The following C10orf67 variants were observed in gnomAD, a reference collection of about 807,000 sequenced individuals.
C10orf67 encodes the protein uncharacterized protein C10orf67, mitochondrial.
C10orf67 carries 60 observed loss-of-function variants against 35.6 expected under a neutral mutation model. That is an observed-to-expected ratio of 1.68 (90% CI 1.37 to 2.09). C10orf67 has a LOEUF of 2.09. Ranked by LOEUF, C10orf67 falls within the 30% of genes most tolerant of loss-of-function variation. C10orf67 has a pLI of 0.00. For synonymous variants in C10orf67, 167 were observed against 115.8 expected (o/e 1.44, Z -2.84); for missense variants, 474 against 330.2 (o/e 1.44, Z -3.38).
At chr10:23,283,383 T>A (rs1439326689) in intron 7 of C10orf67, among the ~76,000 whole-genome samples, 1 of 152,234 alleles carries the variant, frequency 6.6e-6, no homozygotes, top group African/African-American at 2.4e-5. Context: ...TGTATGAATT[T>A]AATAAACATC....
intron 8 of C10orf67, among the ~76,000 whole-genome samples, chr10:23,280,203 C>G (rs534757909): frequency 3.3e-5 from 5 of 152,262 alleles, no homozygotes; most frequent in African/African-American, 1.2e-4. Context: ...AGTTCTTTGA[C>G]TTTTTGCACT....
chr10:23,241,963 A>AT (rs142155844), intron 12 of C10orf67, among the ~76,000 whole-genome samples: 69,186 of 148,640 alleles, frequency 0.47, 16,195 homozygotes, highest in African/African-American at 0.53. Flanking sequence ...AAGAACTGAC[A>AT]TTTTTTTTTT....
chr10:23,247,117 T>C (rs981371502), intron 12 of C10orf67, among the ~76,000 whole-genome samples: 3 of 152,178 alleles, frequency 2.0e-5, no homozygotes, highest in East Asian at 1.9e-4. Context: ...TAATTTGTTA[T>C]TGAAAAAAAT....
At chr10:23,218,107 G>T (rs1841478426) in intron 15 of C10orf67, among the ~76,000 whole-genome samples, 2 of 152,016 alleles carry the variant, frequency 1.3e-5, no homozygotes, top group Admixed American at 1.3e-4. Context: ...CACTGTATTT[G>T]GAAGGAAAAA....
chr10:23,319,793 G>A (rs1588690884), intron 4 of C10orf67, among the ~76,000 whole-genome samples: 1 of 152,240 alleles, frequency 6.6e-6, no homozygotes, highest in East Asian at 1.9e-4. Context: ...TCACCTTCAG[G>A]TCTCATTGGT....
rs1237340233 is a variant in C10orf67, at chr10:23,221,481, CG to C, written c.1570+2116del. On this transcript the variant is annotated intron_variant, in intron 15 of 15. Transcript: ENST00000636213. ...CATTAATAATGTATTAAACTATTTCCGGGGGGTCTGAAGAGGGTACTCAACC... is the reference window on the plus strand; with the variant it reads ...CATTAATAATGTATTAAACTATTTCCGGGGGTCTGAAGAGGGTACTCAACC... Among the ~76,000 whole-genome samples, 3 of 152,104 alleles carry C rather than the reference CG, an allele frequency of 2.0e-5. No homozygotes were observed. The South Asian group carries it at 6.2e-4, about 32-fold the overall frequency.
At chr10:23,322,738 T>G (rs1845009368) in intron 2 of C10orf67, among the ~76,000 whole-genome samples, 1 of 152,022 alleles carries the variant, frequency 6.6e-6, no homozygotes, top group Non-Finnish European at 1.5e-5. Flanking sequence ...GAAGTAGCAT[T>G]AGTATCTGGG....
intron 5 of C10orf67, among the ~76,000 whole-genome samples, chr10:23,296,509 C>T (rs566752491): frequency 6.6e-6 from 1 of 152,290 alleles, no homozygotes; most frequent in East Asian, 1.9e-4. Context: ...CTAGGAAATC[C>T]AGCTAGTCCT....
At position 23,344,712 on chromosome 10, in the gene C10orf67, G is replaced by A. The variant is rs757794315; in HGVS notation, c.63C>T (p.His21=). Residue 21 remains histidine (H), a synonymous_variant, in exon 1 of 16, where the codon CAC becomes CAT. Coordinates refer to ENST00000636213, the MANE Select transcript of C10orf67 (RefSeq NM_001371909.1). The stretch of plus-strand genomic sequence containing the variant: ...TCCCCCTCAAGGAGGAGGAAAAGCA[G>A]TGAACCCATCTAATAACTATGCTCA... ...YVMSIVIRWV[H]CFSSSLRGTF... 1.1e-5 allele frequency: 17 copies of A among 1,574,302 alleles called. No homozygotes were observed. The highest frequency in any genetic ancestry group is 1.7e-4 in the Middle Eastern group (1 of 6,014).
intron 13 of C10orf67, among the ~76,000 whole-genome samples, chr10:23,235,859 G>A (rs796861186): frequency 1.3e-5 from 2 of 152,288 alleles, no homozygotes; most frequent in African/African-American, 4.8e-5. Context: ...GCTCACACAT[G>A]TAATCCCAGC....
chr10:23,226,869 A>G (rs1841756320), intron 13 of C10orf67, among the ~76,000 whole-genome samples: 1 of 152,210 alleles, frequency 6.6e-6, no homozygotes, highest in Admixed American at 6.5e-5. Context: ...GGACACATAC[A>G]CCTTCCCAAG....
chr10:23,334,875 T>C (rs1420426144), intron 1 of C10orf67, among the ~76,000 whole-genome samples: 2 of 152,104 alleles, frequency 1.3e-5, no homozygotes, highest in African/African-American at 4.8e-5. Flanking sequence ...AGCCAGGGCA[T>C]AGATGATGAG....
chr10:23,288,967 C>T (rs1843631145), intron 7 of C10orf67, among the ~76,000 whole-genome samples: 1 of 152,132 alleles, frequency 6.6e-6, no homozygotes, highest in Non-Finnish European at 1.5e-5. Flanking sequence ...GCAGTTTCCA[C>T]CCTCATGGAG....
chr10:23,252,840 A>G (rs561846180), intron 10 of C10orf67, among the ~76,000 whole-genome samples: 3 of 152,130 alleles, frequency 2.0e-5, no homozygotes, highest in East Asian at 3.9e-4. Flanking sequence ...GGCAACTGAT[A>G]TGGTTTGGCT....
chr10:23,293,048 T>A (rs754746382), intron 5 of C10orf67, among the ~76,000 whole-genome samples: 1 of 152,170 alleles, frequency 6.6e-6, no homozygotes, highest in Non-Finnish European at 1.5e-5. Flanking sequence ...CTGGCCTTAA[T>A]AGGCTTAAGC....
At chr10:23,237,936 T>A (rs553416491) in intron 13 of C10orf67, among the ~76,000 whole-genome samples, 5 of 152,216 alleles carry the variant, frequency 3.3e-5, no homozygotes, top group Non-Finnish European at 7.3e-5. Context: ...TATACCCCAA[T>A]AGTATTATCA....
chr10:23,285,967 A>G (rs910171278), intron 7 of C10orf67, among the ~76,000 whole-genome samples: 25 of 152,256 alleles, frequency 1.6e-4, no homozygotes, highest in African/African-American at 5.5e-4. Context: ...CCAGCCATCA[A>G]CTGGTGGCTT....
At chr10:23,307,899 C>A (rs1037739427) in intron 4 of C10orf67, among the ~76,000 whole-genome samples, 1 of 152,094 alleles carries the variant, frequency 6.6e-6, no homozygotes, top group African/African-American at 2.4e-5. Context: ...GACTACAGAG[C>A]CACCGCTCCT....
At chr10:23,280,842 T>C (rs1372966465) in intron 8 of C10orf67, among the ~76,000 whole-genome samples, 1 of 152,260 alleles carries the variant, frequency 6.6e-6, no homozygotes, top group Non-Finnish European at 1.5e-5. Flanking sequence ...ATTTCTTCTC[T>C]ATTGCTGCTA....
Sources: allele counts gnomAD v4.1 joint callset (sites outside exome capture counted in the v4.1 genomes callset), GRCh38; gene constraint gnomAD v4.1.1; transcripts MANE v1.5; gene names NCBI Gene and HGNC (gene_info 2026-07-23, HGNC 2026-07-21).